Variants in HECW2 observed in about 807,000 individuals in gnomAD.
The protein encoded by HECW2 is E3 ubiquitin-protein ligase HECW2.
HECW2 carries 61 observed loss-of-function variants against 175.2 expected under a neutral mutation model. That is an observed-to-expected ratio of 0.35 (90% CI 0.28 to 0.43). HECW2 has a LOEUF of 0.43. Among genes scored for constraint, HECW2 ranks in the 20% least tolerant of loss-of-function variants. The pLI is 1.00. For synonymous variants in HECW2, 671 were observed against 731.0 expected, an observed-to-expected ratio of 0.92 and a Z score of 1.32; for missense variants, 1,524 against 2,000.5, an observed-to-expected ratio of 0.76 and a Z score of 4.54.
At chr2:196,458,223 T>C (rs572874169) in intron 1 of HECW2, among the ~76,000 whole-genome samples, 1 of 152,242 alleles carries the variant, frequency 6.6e-6, no homozygotes, top group Admixed American at 6.5e-5. Flanking sequence ...TGAGCCATGA[T>C]TGTGCCACTG....
Position 196,464,032 on chromosome 2 carries a change from CT to C in HECW2, c.-35-30575del, listed in dbSNP as rs566232395. ...CCATCTTTCCATCTTCCAGCTTTTC[CT>C]TTTTTTTTTTTTCTGGAAATGGTTT... is the stretch of plus-strand genomic sequence containing the variant. On this transcript the variant is annotated intron_variant, in intron 1 of 28. Coordinates refer to ENST00000644978, the MANE Select transcript of HECW2 (RefSeq NM_001348768.2). 5.8e-3 allele frequency among the ~76,000 whole-genome samples: 841 copies of C among 144,100 alleles called. 5 individuals are homozygous for C. The highest frequency in any genetic ancestry group is 0.013 in the African/African-American group (535 of 39,636). The allele number at this position is 144,100 out of a possible 152,430, so 94.5% of individuals were successfully genotyped here.
At chr2:196,496,166 A>C (rs1687383940) in intron 1 of HECW2, among the ~76,000 whole-genome samples, 1 of 152,124 alleles carries the variant, frequency 6.6e-6, no homozygotes. Context: ...AAATTGGCTG[A>C]AACTCTACAG....
At chr2:196,301,081 T>C (rs1220614852) in intron 13 of HECW2, among the ~76,000 whole-genome samples, 2 of 152,152 alleles carry the variant, frequency 1.3e-5, no homozygotes, top group Non-Finnish European at 1.5e-5. Context: ...CCAGTGTCCA[T>C]GGGTTCTCAT....
intron 1 of HECW2, among the ~76,000 whole-genome samples, chr2:196,459,597 G>T (rs1004157237): frequency 1.3e-4 from 19 of 151,930 alleles, no homozygotes; most frequent in Non-Finnish European, 1.6e-4. Flanking sequence ...CCAACATTAG[G>T]ATTTCCTCCG....
chr2:196,291,386 T>A (rs933344247), intron 14 of HECW2: 2 of 152,160 alleles, frequency 1.3e-5, no homozygotes, highest in Non-Finnish European at 2.9e-5. Flanking sequence ...CTACAAAGAA[T>A]AGTATGTTTA....
At chr2:196,400,138 T>A (rs1694778439) in intron 2 of HECW2, among the ~76,000 whole-genome samples, 1 of 152,208 alleles carries the variant, frequency 6.6e-6, no homozygotes, top group Non-Finnish European at 1.5e-5. Context: ...GGTCTAAGAA[T>A]CAAATCTCAA....
At chr2:196,364,883 T>A (rs1436818195) in intron 2 of HECW2, among the ~76,000 whole-genome samples, 1 of 152,182 alleles carries the variant, frequency 6.6e-6, no homozygotes, top group East Asian at 1.9e-4. Flanking sequence ...GGCATTGGCA[T>A]ATGAACCATG....
At chr2:196,578,494 C>T (rs1006330262) in intron 1 of HECW2, among the ~76,000 whole-genome samples, 1 of 152,070 alleles carries the variant, frequency 6.6e-6, no homozygotes, top group Non-Finnish European at 1.5e-5. Context: ...AAACCATTAA[C>T]CTATGTATCC....
chr2:196,465,564 T>C (rs530860219), intron 1 of HECW2, among the ~76,000 whole-genome samples: 3 of 152,176 alleles, frequency 2.0e-5, no homozygotes, highest in African/African-American at 7.2e-5. Flanking sequence ...TTTTTTCTAC[T>C]GCTTGTAAGC....
chr2:196,561,662 G>A (rs1032636438), intron 1 of HECW2, among the ~76,000 whole-genome samples: 24 of 152,006 alleles, frequency 1.6e-4, no homozygotes, highest in Admixed American at 9.8e-4. Flanking sequence ...CAGACCGGCC[G>A]GCACTTAGGG....
chr2:196,376,353 G>C (rs771222571), intron 2 of HECW2, among the ~76,000 whole-genome samples: 1 of 152,134 alleles, frequency 6.6e-6, no homozygotes, highest in Admixed American at 6.5e-5. Context: ...ATTTTCGGCT[G>C]GGCACAGTGG....
At position 196,273,049 on chromosome 2, in the gene HECW2, A is replaced by ATTTTTTTTTTT. The variant is rs778348590; in HGVS notation, c.3238+961_3238+971dup. 1.6e-4 allele frequency among the ~76,000 whole-genome samples: 18 copies of ATTTTTTTTTTT among 113,116 alleles called. 1 individual carries two copies. Among genetic ancestry groups the ATTTTTTTTTTT allele is most frequent in the African/African-American group, 4.2e-4 (11 of 26,012 alleles). The allele number at this position is 113,116 out of a possible 152,430, so 74.2% of individuals were successfully genotyped here. A position where few individuals can be genotyped will look rare whatever the true frequency, so the allele number is the denominator to read the frequency against. On this transcript the variant is annotated intron_variant, in intron 16 of 28. Transcript: ENST00000644978. ...CAAAGATAAATGGAGAGCTGGTCTA[A>ATTTTTTTTTTT]TTTTTTTTTTTTTTTTTTTTTTTTT...
At chr2:196,407,147 T>G (rs559223790) in intron 2 of HECW2, among the ~76,000 whole-genome samples, 8 of 152,190 alleles carry the variant, frequency 5.3e-5, no homozygotes, top group African/African-American at 1.9e-4. Flanking sequence ...TATAAAAAAG[T>G]TACCTATTTG....
chr2:196,411,098 A>C (rs990950643), intron 2 of HECW2, among the ~76,000 whole-genome samples: 4 of 152,262 alleles, frequency 2.6e-5, no homozygotes, highest in Non-Finnish European at 5.9e-5. Flanking sequence ...TCTCAGGCTC[A>C]AGTGATCCTC....
chr2:196,202,785 A>G (rs543170134), intron 28 of HECW2, among the ~76,000 whole-genome samples: 2 of 152,356 alleles, frequency 1.3e-5, no homozygotes, highest in South Asian at 4.1e-4. Flanking sequence ...GAATACAGAT[A>G]GAGTATTCCT....
At chr2:196,280,839 G>A (rs1690157556) in intron 14 of HECW2, among the ~76,000 whole-genome samples, 1 of 152,200 alleles carries the variant, frequency 6.6e-6, no homozygotes, top group Non-Finnish European at 1.5e-5. Context: ...ACCAATGGAT[G>A]TGGCTAATAC....
chr2:196,318,848 T>A lies in HECW2; in HGVS notation c.2042A>T (p.Asp681Val), dbSNP rs1691815208. 1 of 1,550,280 alleles carries A rather than the reference T, an allele frequency of 6.5e-7. No homozygotes were observed. The highest frequency in any genetic ancestry group is 1.4e-5 in the African/African-American group (1 of 73,202). Reference protein sequence around the residue: ...TPAFSSQEEEDGACAAEPTSS... With the variant: ...TPAFSSQEEEVGACAAEPTSS... The stretch of plus-strand genomic sequence containing the variant: ...GGTGGGCTCTGCTGCACAGGCTCCG[T>A]CTTCCTCCTCCTGAGAAGAAAAGGC... Residue 681 changes from aspartate to valine, a missense_variant, in exon 9 of 29, where the codon GAC becomes GTC. By Grantham distance (152) the Asp-to-Val change is radical. Around this residue, in one of 11 missense-constraint regions of HECW2, gnomAD observed 604 missense variants for 588.3 expected, o/e 1.03. Transcript: ENST00000644978.
intron 17 of HECW2, among the ~76,000 whole-genome samples, chr2:196,266,900 T>G (rs1308819766): frequency 2.0e-5 from 3 of 152,230 alleles, no homozygotes; most frequent in Non-Finnish European, 2.9e-5. Flanking sequence ...GGTTCAAGTC[T>G]GCATTTGCCT....
At chr2:196,384,542 A>G (rs763772878) in intron 2 of HECW2, among the ~76,000 whole-genome samples, 1 of 152,182 alleles carries the variant, frequency 6.6e-6, no homozygotes, top group African/African-American at 2.4e-5. Flanking sequence ...AGACAGCACT[A>G]CTATACTCCA....
Sources: gnomAD v4.1 joint callset for allele counts (sites outside exome capture counted in the v4.1 genomes callset) on GRCh38, gnomAD v4.1.1 for gene constraint, gnomAD v4.1.1 regional missense constraint, MANE v1.5 for transcripts, NCBI Gene and HGNC (gene_info 2026-07-23, HGNC 2026-07-21) for gene names.